Variants in FGF1 observed in about 807,000 individuals in gnomAD.
FGF1 encodes the protein fibroblast growth factor 1.
FGF1 carries 9 observed loss-of-function variants against 13.4 expected under a neutral mutation model. The ratio of observed to expected loss-of-function variants is 0.67; its 90% CI spans 0.40 to 1.17. The LOEUF is 1.17. Ranked by LOEUF, FGF1 falls within the 50% of genes most tolerant of loss-of-function variation. FGF1 has a pLI of 0.01. For missense variants in FGF1, 156 were observed against 192.7 expected (o/e 0.81, Z 1.13); for synonymous variants, 93 against 79.0 (o/e 1.18, Z -0.94).
chr5:142,668,875 G>C (rs750520320), intron 1 of FGF1, among the ~76,000 whole-genome samples: 6 of 152,222 alleles, frequency 3.9e-5, no homozygotes, highest in Non-Finnish European at 8.8e-5. Context: ...TGTGAAGGTT[G>C]TGCCAAGGGC....
intron 1 of FGF1, among the ~76,000 whole-genome samples, chr5:142,617,934 C>T (rs552867106): frequency 6.6e-6 from 1 of 152,296 alleles, no homozygotes; most frequent in Non-Finnish European, 1.5e-5. Context: ...GCAACGTTAG[C>T]AGGTCCTTGG....
intron 1 of FGF1, among the ~76,000 whole-genome samples, chr5:142,677,888 C>T (rs931392883): frequency 7.2e-5 from 11 of 151,880 alleles, no homozygotes; most frequent in South Asian, 4.2e-4. Context: ...AAGAAAATTA[C>T]GAATTGAGGT....
intron 2 of FGF1, among the ~76,000 whole-genome samples, chr5:142,694,688 C>A (rs1200454487): frequency 6.6e-6 from 1 of 152,206 alleles, no homozygotes; most frequent in East Asian, 1.9e-4. Context: ...TACTGACCGG[C>A]AGCCCAAGGG....
chr5:142,634,641 G>A (rs974263811), intron 1 of FGF1, among the ~76,000 whole-genome samples: 1 of 152,136 alleles, frequency 6.6e-6, no homozygotes, highest in Non-Finnish European at 1.5e-5. Context: ...CGTGTAGAGG[G>A]AATAGTCCAG....
chr5:142,630,621 C>T (rs974003961), intron 1 of FGF1, among the ~76,000 whole-genome samples: 1 of 152,168 alleles, frequency 6.6e-6, no homozygotes, highest in African/African-American at 2.4e-5. Context: ...TCCCTTTGCC[C>T]CTCTATTCCA....
chr5:142,661,203 CT>C (rs1403197852), intron 1 of FGF1, among the ~76,000 whole-genome samples: 1 of 152,198 alleles, frequency 6.6e-6, no homozygotes, highest in Non-Finnish European at 1.5e-5. Context: ...CAATAGCTGC[CT>C]CACAAACATG....
At chr5:142,597,083 T>A (rs1003718983) in intron 3 of FGF1, among the ~76,000 whole-genome samples, 2 of 152,092 alleles carry the variant, frequency 1.3e-5, no homozygotes, top group East Asian at 1.9e-4. Context: ...TAAAAAAAAA[T>A]TTGTGCAAAG....
chr5:142,689,822 CG>C (rs1751874417), upstream of FGF1, among the ~76,000 whole-genome samples: 2 of 150,608 alleles, frequency 1.3e-5, no homozygotes, highest in South Asian at 4.2e-4. Context: ...CCTCAGCCTC[CG>C]GAGTAGCTGG....
intron 1 of FGF1, among the ~76,000 whole-genome samples, chr5:142,669,224 T>A (rs1211083741): frequency 6.6e-6 from 1 of 152,186 alleles, no homozygotes; most frequent in Non-Finnish European, 1.5e-5. Flanking sequence ...GAAGGGAATT[T>A]GGAAATTCTT....
intron 1 of FGF1, chr5:142,680,988 A>G (rs1472266834): frequency 1.3e-5 from 2 of 152,178 alleles, no homozygotes; most frequent in Non-Finnish European, 2.9e-5. Context: ...TGTGATTCTT[A>G]TGCACATTAA....
chr5:142,690,188 G>C (rs1048737962), upstream of FGF1, among the ~76,000 whole-genome samples: 29 of 151,600 alleles, frequency 1.9e-4, 1 homozygote, highest in Admixed American at 2.0e-4. Flanking sequence ...GGGCGTGGTG[G>C]CGGGCGCCTG....
chr5:142,630,419 C>G (rs1763181752), intron 1 of FGF1, among the ~76,000 whole-genome samples: 2 of 152,142 alleles, frequency 1.3e-5, no homozygotes, highest in Admixed American at 1.3e-4. Context: ...TGAAATAGCC[C>G]CATCTTTTGC....
intron 1 of FGF1, among the ~76,000 whole-genome samples, chr5:142,682,411 G>GAAT (rs368064975): frequency 9.2e-5 from 14 of 151,902 alleles, no homozygotes; most frequent in Non-Finnish European, 1.5e-4. Flanking sequence ...ATTCACCTTT[G>GAAT]AATAATAATA....
chr5:142,657,676 T>C (rs1768418329), intron 1 of FGF1, among the ~76,000 whole-genome samples: 1 of 152,254 alleles, frequency 6.6e-6, no homozygotes, highest in African/African-American at 2.4e-5. Flanking sequence ...TGGCTGCGGC[T>C]GCGGCCGAGT....
chr5:142,651,231 A>G (rs190719330), intron 1 of FGF1, among the ~76,000 whole-genome samples: 1 of 152,220 alleles, frequency 6.6e-6, no homozygotes, highest in African/African-American at 2.4e-5. Flanking sequence ...TGAACCCACC[A>G]CGACTTGCCT....
intron 2 of FGF1, among the ~76,000 whole-genome samples, chr5:142,609,503 C>T (rs1215803674): frequency 6.6e-6 from 1 of 152,212 alleles, no homozygotes; most frequent in Non-Finnish European, 1.5e-5. Context: ...CAGACTTGCC[C>T]TGCCAGAGGA....
At chr5:142,691,496 T>G (rs1752232957) in intron 2 of FGF1, among the ~76,000 whole-genome samples, 1 of 151,104 alleles carries the variant, frequency 6.6e-6, no homozygotes. Flanking sequence ...AAATATTTAC[T>G]TACTTGTTCT....
chr5:142,672,712 C>T (rs1771734021), intron 1 of FGF1, among the ~76,000 whole-genome samples: 1 of 152,092 alleles, frequency 6.6e-6, no homozygotes, highest in Admixed American at 6.5e-5. Flanking sequence ...ACCCTGTTGG[C>T]CAGGCTCGTC....
intron 1 of FGF1, among the ~76,000 whole-genome samples, chr5:142,667,950 G>A (rs747375645): frequency 5.3e-5 from 8 of 152,318 alleles, no homozygotes; most frequent in Non-Finnish European, 1.0e-4. Flanking sequence ...ATGCCACAGC[G>A]GTCTTGCAGT....
Sources: gnomAD v4.1 joint callset for allele counts (sites outside exome capture counted in the v4.1 genomes callset) on GRCh38, gnomAD v4.1.1 for gene constraint, MANE v1.5 for transcripts, NCBI Gene and HGNC (gene_info 2026-07-23, HGNC 2026-07-21) for gene names.